The following SPTB variants were observed in gnomAD, a reference collection of about 807,000 sequenced individuals.
SPTB encodes the protein spectrin beta chain, erythrocytic.
Under a neutral mutation model 256.2 loss-of-function variants are expected in SPTB, and 45 were observed. That is an observed-to-expected ratio of 0.18 (90% CI 0.14 to 0.23). The LOEUF (loss-of-function observed/expected upper bound fraction) is 0.23, where lower values mean the gene tolerates loss of function less well. SPTB is among the 10% of genes least tolerant of loss of function. The probability of loss-of-function intolerance (pLI) is 1.00; values close to 1 mark genes in which losing one functional copy is unlikely to be tolerated. For synonymous variants in SPTB, 1,231 were observed against 1,243.1 expected, an observed-to-expected ratio of 0.99 and a Z score of 0.21; for missense variants, 2,715 against 3,040.4, an observed-to-expected ratio of 0.89 and a Z score of 2.52.
intron 1 of SPTB, among the ~76,000 whole-genome samples, chr14:64,836,963 G>A (rs1010960072): frequency 2.0e-5 from 3 of 152,170 alleles, no homozygotes; most frequent in East Asian, 3.8e-4. Flanking sequence ...GGTGAGAAAC[G>A]GCTGGTCAGA....
rs1164127919 is a variant in SPTB at position 64,786,858 on chromosome 14, T to C, written c.3107A>G (p.Gln1036Arg). 6.2e-7 allele frequency: 1 copy of C among 1,613,402 alleles called. No individual in the cohort carries two copies. The highest frequency in any genetic ancestry group is 8.5e-7 in the Non-Finnish European group (1 of 1,180,034). ...PEQKEDIGQR[Q>R]KHLEELWQGL... ...CTGCCACAGCTCCTCCAAGTGTTTT[T>C]GCCGCTGACCAATATCCTCCTTCTG... Residue 1036 changes from glutamine to arginine, a missense_variant, in exon 16 of 36, where the codon CAA (glutamine) becomes CGA (arginine). Physicochemically the swap from Gln to Arg is conservative, Grantham distance 43. Transcript: ENST00000644917. The surrounding 1 kb of genome is among the most constrained non-coding windows in gnomAD (Gnocchi z 5.6).
rs945985665 is a variant in SPTB at position 64,796,335 on chromosome 14, G to A, written c.1341+222C>T. Among the ~76,000 whole-genome samples the A allele has an allele frequency of 5.3e-5, 8 of 152,040 alleles. No individual in the cohort carries two copies. The highest frequency in any genetic ancestry group is 2.1e-4 in the South Asian group (1 of 4,814). Reference sequence around the variant, plus strand: ...CAGGCCCACATAAGACAACTTCAGCGGCCAGTTCTAGACTCCAAGGCTCTT... The same window carrying A: ...CAGGCCCACATAAGACAACTTCAGCAGCCAGTTCTAGACTCCAAGGCTCTT... On this transcript the variant is annotated intron_variant, in intron 11 of 35. Transcript: ENST00000644917. This position sits in a 1 kb window ranked among gnomAD's most constrained non-coding sequence, Gnocchi z 4.1.
intron 3 of SPTB, among the ~76,000 whole-genome samples, chr14:64,804,526 A>C (rs2082946590): frequency 6.6e-6 from 1 of 152,190 alleles, no homozygotes; most frequent in Admixed American, 6.5e-5. Flanking sequence ...GTGGGTTACA[A>C]CTGAGACAGC....
chr14:64,769,801 G>A (rs886252857), intron 27 of SPTB, 73 bp from the exon 28 acceptor site: 9 of 1,602,426 alleles, frequency 5.6e-6, no homozygotes, highest in African/African-American at 1.3e-5. Flanking sequence ...CCAACCAGAG[G>A]GGCCCACCTC....
rs2082051255 is a variant in SPTB at position 64,758,713 on chromosome 14, G to A, written c.6346-4920C>T. Among the ~76,000 whole-genome samples the A allele has an allele frequency of 1.3e-5, 2 of 152,218 alleles. No homozygotes were observed. The highest frequency in any genetic ancestry group is 4.8e-5 in the African/African-American group (2 of 41,456). On this transcript the variant is annotated intron_variant, in intron 32 of 35. Coordinates refer to ENST00000644917, the MANE Select transcript of SPTB (RefSeq NM_001355436.2). This position sits in a 1 kb window ranked among gnomAD's most constrained non-coding sequence, Gnocchi z 4.6. ...ACTCTTGGGGTTCCCATCTGCCCAG[G>A]GAAAGTGCACAAACAGCAGAGAGCA...
At chr14:64,872,448 A>G (rs1882585078) in intron 1 of SPTB, among the ~76,000 whole-genome samples, 1 of 152,114 alleles carries the variant, frequency 6.6e-6, no homozygotes, top group African/African-American at 2.4e-5. Context: ...TCTGCTTGAG[A>G]CACAAATCCC....
chr14:64,820,528 G>A (rs2083268547), intron 2 of SPTB, among the ~76,000 whole-genome samples: 1 of 152,214 alleles, frequency 6.6e-6, no homozygotes. Flanking sequence ...AATAGTTAAG[G>A]CCCAGGCATA....
At chr14:64,800,250 T>C (rs2082857566) in intron 8 of SPTB, among the ~76,000 whole-genome samples, 1 of 152,160 alleles carries the variant, frequency 6.6e-6, no homozygotes, top group Admixed American at 6.5e-5. Context: ...GGGGCCAGGG[T>C]TTTGTTTATT....
chr14:64,875,395 G>A (rs914773822), intron 1 of SPTB, among the ~76,000 whole-genome samples: 4 of 152,206 alleles, frequency 2.6e-5, no homozygotes, highest in Non-Finnish European at 5.9e-5. Context: ...CAGCAACAGA[G>A]GGAAACACAC....
At chr14:64,818,632 C>G (rs932275864) in intron 2 of SPTB, among the ~76,000 whole-genome samples, 5 of 152,090 alleles carry the variant, frequency 3.3e-5, no homozygotes, top group Non-Finnish European at 7.4e-5. Flanking sequence ...GAGAGGGAGA[C>G]AGAGGATGGG....
rs2081952574 is a variant in SPTB at position 64,751,754 on chromosome 14, T to C, written c.6603-1600A>G. On this transcript the variant is annotated intron_variant, in intron 33 of 35. Transcript: ENST00000644917. ...TTCTGTTTTGATGAGATGTGCCAAG[T>C]ATACTAAACTTTTTAAAGGAACAAA... Among the ~76,000 whole-genome samples, 3 of 152,002 alleles carry C rather than the reference T, an allele frequency of 2.0e-5. No homozygotes were observed. The South Asian group carries it at 6.2e-4, about 32-fold the overall frequency.
Position 64,775,400 on chromosome 14 carries a change from G to A in SPTB, c.4567C>T (p.Leu1523=). Residue 1523 remains leucine, a synonymous_variant, in exon 23 of 36, where the codon CTG becomes TTG. Coordinates refer to ENST00000644917, the MANE Select transcript of SPTB (RefSeq NM_001355436.2). The surrounding 1 kb of genome is among the most constrained non-coding windows in gnomAD (Gnocchi z 5.0). Reference sequence around the variant, plus strand: ...GTATGGCCCAGAATCTCATTCTGCAGTGTCTGCGGCCAGAAGGAAGGGCTC... The same window carrying A: ...GTATGGCCCAGAATCTCATTCTGCAATGTCTGCGGCCAGAAGGAAGGGCTC... ...VQLFMKKNQT[L]QNEILGHTPR... 6.2e-7 allele frequency: 1 copy of A among 1,611,528 alleles called. No homozygotes were observed. The highest frequency in any genetic ancestry group is 8.5e-7 in the Non-Finnish European group (1 of 1,178,138).
intron 1 of SPTB, among the ~76,000 whole-genome samples, chr14:64,869,699 G>C (rs2139820318): frequency 6.8e-6 from 1 of 147,658 alleles, no homozygotes; most frequent in South Asian, 2.1e-4. Flanking sequence ...ATGGCTCACT[G>C]CAGCCTCAAC....
In SPTB at chr14:64,793,496, C is replaced by A; in HGVS notation, c.2167G>T (p.Ala723Ser). Residue 723 changes from alanine to serine, a missense_variant, in exon 14 of 36, where the codon GCA (alanine) becomes TCA (serine). By Grantham distance (99) the Ala-to-Ser change is moderately conservative. Transcript: ENST00000644917. The surrounding 1 kb of genome is among the most constrained non-coding windows in gnomAD (Gnocchi z 7.0). ...AGGTCCTTCAGCTGGTCCCACTGTGCCGACACCTCCTTTATGCGGGCCTCG... is the reference window on the plus strand; with the variant it reads ...AGGTCCTTCAGCTGGTCCCACTGTGACGACACCTCCTTTATGCGGGCCTCG... The part of the protein sequence containing the change: ...QIEARIKEVS[A>S]QWDQLKDLAA... 1 of 1,614,098 alleles carries A rather than the reference C, an allele frequency of 6.2e-7. No homozygotes were observed. The highest frequency in any genetic ancestry group is 1.1e-5 in the South Asian group (1 of 91,078).
Position 64,804,945 on chromosome 14 carries a change from C to G in SPTB, c.294G>C (p.Glu98Asp), listed in dbSNP as rs754403061. 13 of 1,614,166 alleles carry G rather than the reference C, an allele frequency of 8.1e-6. No individual in the cohort carries two copies. The South Asian group carries it at 1.4e-4, about 18-fold the overall frequency. Residue 98 changes from glutamate (E) to aspartate (D), a missense_variant, in exon 3 of 36, where the codon GAG (glutamate) becomes GAC (aspartate). By Grantham distance (45) the Glu-to-Asp change is conservative (BLOSUM62 2). Transcript: ENST00000644917. Reference sequence around the variant, plus strand: ...CCCACAGAAGGGACTTTACCAGCATCTCTCCAGAGAGCACCTCCAGCAGCT... The same window carrying G: ...CCCACAGAAGGGACTTTACCAGCATGTCTCCAGAGAGCACCTCCAGCAGCT... ...LIKLLEVLSG[E>D]MLPKPTKGKM...
At chr14:64,815,460 G>A (rs229672) in intron 2 of SPTB, among the ~76,000 whole-genome samples, 1 of 152,012 alleles carries the variant, frequency 6.6e-6, no homozygotes, top group Non-Finnish European at 1.5e-5. Flanking sequence ...GATGACAACA[G>A]CTATAAGCTG....
In SPTB at chr14:64,827,178, C is replaced by T. The variant is rs2083388382; in HGVS notation, c.-51-4033G>A. Among the ~76,000 whole-genome samples, 1 of 152,252 alleles carries T rather than the reference C, an allele frequency of 6.6e-6. No homozygotes were observed. The highest frequency in any genetic ancestry group is 1.5e-5 in the Non-Finnish European group (1 of 68,012). On this transcript the variant is annotated intron_variant, in intron 1 of 35. Transcript: ENST00000644917. The surrounding 1 kb of genome is among the most constrained non-coding windows in gnomAD (Gnocchi z 4.6). ...CCCATGTCAGCCCTCGCCGAAGCCC[C>T]GAGCAGAAGAGGCAGCTGTTCTCTT...
intron 32 of SPTB, 134 bp from the exon 33 acceptor site, chr14:64,753,927 T>G (rs2081987224): frequency 8.6e-7 from 1 of 1,163,806 alleles, no homozygotes; most frequent in South Asian, 1.3e-5. Context: ...TCCCACCTCC[T>G]GGCCCACCCT....
At chr14:64,828,868 T>C (rs2139719796) in intron 1 of SPTB, among the ~76,000 whole-genome samples, 1 of 152,328 alleles carries the variant, frequency 6.6e-6, no homozygotes, top group African/African-American at 2.4e-5. Context: ...AACATTGTAG[T>C]GAGGTCTCAA....
Sources: gnomAD v4.1 joint callset for allele counts (sites outside exome capture counted in the v4.1 genomes callset) on GRCh38, gnomAD v4.1.1 for gene constraint, Gnocchi (gnomAD v3.1) non-coding constraint, MANE v1.5 for transcripts, NCBI Gene and HGNC (gene_info 2026-07-23, HGNC 2026-07-21) for gene names.